HTT: variants seen among roughly 807,000 people sequenced by gnomAD.
The protein encoded by HTT is huntingtin.
A neutral mutation model predicts 362.3 loss-of-function variants in HTT; 104 were observed. That is an observed-to-expected ratio of 0.29 (90% confidence interval 0.24 to 0.34). HTT has a LOEUF of 0.34. HTT is among the 10% of genes least tolerant of loss of function. The pLI is 1.00. For synonymous variants in HTT, 1,577 were observed against 1,548.7 expected (o/e 1.02, Z -0.43); for missense variants, 3,301 against 3,928.6 (o/e 0.84, Z 4.27).
intron 2 of HTT, among the ~76,000 whole-genome samples, chr4:3,097,717 G>A (rs761826639): frequency 5.9e-5 from 9 of 152,140 alleles, no homozygotes; most frequent in Non-Finnish European, 5.9e-5. Flanking sequence ...TAGATGAAAT[G>A]GATGAGTTCC....
chr4:3,212,561 C>T lies in HTT; in HGVS notation c.6629-3C>T, dbSNP rs1320140690. ...ACCCACCCACGAGGTCCTTCTGTTT[C>T]AGGGGATGCTGCACTGTATCAGTCC... is the stretch of plus-strand genomic sequence containing the variant. On this transcript the variant is annotated splice_polypyrimidine_tract_variant and splice_region_variant and intron_variant, in intron 48 of 66. Transcript: ENST00000355072. The T allele has an allele frequency of 6.2e-7, 1 of 1,613,366 alleles. No individual in the cohort carries two copies. The highest frequency in any genetic ancestry group is 8.5e-7 in the Non-Finnish European group (1 of 1,179,482).
rs1720217595 is a variant in HTT, at chr4:3,212,641, C to A, written c.6706C>A (p.Pro2236Thr). The change falls in exon 49 of 67, where the codon CCC becomes ACC. Residue 2236 changes from proline (P) to threonine (T), a missense_variant. Coordinates refer to ENST00000355072, the MANE Select transcript of HTT (RefSeq NM_001388492.1). ...AQYLVVVSKLPSHLHLPPEKE... is the reference protein window; with the variant it reads ...AQYLVVVSKLTSHLHLPPEKE... ...GTACCTGGTGGTGGTCTCCAAACTGCCCAGTCATTTGCACCTTCCTCCTGA... is the reference window on the plus strand; with the variant it reads ...GTACCTGGTGGTGGTCTCCAAACTGACCAGTCATTTGCACCTTCCTCCTGA... 6.2e-7 allele frequency: 1 copy of A among 1,614,090 alleles called. No homozygotes were observed. The highest frequency in any genetic ancestry group is 8.5e-7 in the Non-Finnish European group (1 of 1,180,040).
intron 2 of HTT, among the ~76,000 whole-genome samples, chr4:3,092,658 A>AG: frequency 6.6e-6 from 1 of 152,350 alleles, no homozygotes; most frequent in East Asian, 1.9e-4. Context: ...CTGAGATTAC[A>AG]GGCATGAGCC....
intron 31 of HTT, 27 bp downstream of exon 31, chr4:3,173,158 G>A (rs912289431): frequency 8.3e-6 from 13 of 1,566,918 alleles, no homozygotes; most frequent in African/African-American, 2.7e-5. Context: ...GAATGCTGTC[G>A]TTGGTGGAAG....
rs2857790 is a variant in HTT at position 3,217,886 on chromosome 4, A to C, written c.7176A>C (p.Leu2392=). The C allele has an allele frequency of 1, 1,610,141 of 1,614,178 alleles. 803,126 individuals carry two copies. Among genetic ancestry groups the C allele is most frequent in the East Asian group, 1 (44,889 of 44,890 alleles). The change falls in exon 52 of 67, where the codon CTA becomes CTC. Residue 2392 remains leucine (L), a synonymous_variant. Coordinates refer to ENST00000355072, the MANE Select transcript of HTT (RefSeq NM_001388492.1). ...TGCCGGCGTTTCTCACGCCATTGCT[A>C]AGGAACATCATCATCAGCCTGGCCC... is the stretch of plus-strand genomic sequence containing the variant. ...SGVPAFLTPL[L]RNIIISLARL...
chr4:3,075,073 A>C lies in HTT; in HGVS notation c.248A>C (p.Glu83Ala). Residue 83 changes from glutamate (E) to alanine (A), a missense_variant, in exon 1 of 67, where the codon GAG becomes GCG. Glu to Ala is a moderately radical substitution (Grantham distance 107, BLOSUM62 -1). Coordinates refer to ENST00000355072, the MANE Select transcript of HTT (RefSeq NM_001388492.1). ...PPPPGPAVAEEPLHRPKKELS... is the reference protein window; with the variant it reads ...PPPPGPAVAEAPLHRPKKELS... ...CCACCCGGCCCGGCTGTGGCTGAGGAGCCGCTGCACCGACCGTGAGTTTGG... is the reference window on the plus strand; with the variant it reads ...CCACCCGGCCCGGCTGTGGCTGAGGCGCCGCTGCACCGACCGTGAGTTTGG... 8.0e-7 allele frequency: 1 copy of C among 1,246,952 alleles called. No individual in the cohort carries two copies. The highest frequency in any genetic ancestry group is 4.3e-5 in the Admixed American group (1 of 23,354). 77.2% of individuals were successfully genotyped at this position (1,246,952 alleles called of 1,614,324 possible).
intron 21 of HTT, 32 bp downstream of exon 21, chr4:3,136,358 T>A: frequency 7.9e-7 from 1 of 1,267,454 alleles, no homozygotes; most frequent in Non-Finnish European, 1.1e-6. Flanking sequence ...CTTTTCCTTT[T>A]TTGGTTGAAG....
chr4:3,180,935 G>A (rs563647961), intron 36 of HTT: 146 of 267,092 alleles, frequency 5.5e-4, no homozygotes, highest in Middle Eastern at 3.3e-3. Context: ...GGAGTGTGGT[G>A]GCACGATCTT....
chr4:3,109,439 G>A (rs1443224198), intron 6 of HTT, among the ~76,000 whole-genome samples: 1 of 152,060 alleles, frequency 6.6e-6, no homozygotes, highest in Non-Finnish European at 1.5e-5. Flanking sequence ...TGGTCAGGCT[G>A]GTCTCGAACT....
chr4:3,154,861 A>G (rs1039496861), intron 27 of HTT, among the ~76,000 whole-genome samples: 7 of 152,384 alleles, frequency 4.6e-5, no homozygotes, highest in African/African-American at 1.7e-4. Flanking sequence ...AAGGCGAGAG[A>G]AAGTGGGGAT....
At chr4:3,204,706 G>A (rs1044935372) in intron 42 of HTT, among the ~76,000 whole-genome samples, 3 of 152,164 alleles carry the variant, frequency 2.0e-5, no homozygotes, top group African/African-American at 7.2e-5. Flanking sequence ...GGTGGCTCGT[G>A]CCTGTAATCA....
rs767738365 is a variant in HTT at position 3,140,642 on chromosome 4, C to A, written c.2931C>A (p.Val977=). Residue 977 remains valine (V), a synonymous_variant, in exon 22 of 67, where the codon GTC becomes GTA. Coordinates refer to ENST00000355072, the MANE Select transcript of HTT (RefSeq NM_001388492.1). ...HETQPPSHFS[V]STITRIYRGY... is the part of the protein sequence containing the mutation. ...CGCAGCCTCCATCTCATTTCTCCGT[C>A]AGCACAATAACCAGGTATGCTGACC... The A allele has an allele frequency of 1.6e-4, 254 of 1,613,964 alleles. 1 individual carries two copies. Among genetic ancestry groups the A allele is most frequent in the Admixed American group, 9.5e-4 (57 of 59,998 alleles).
At chr4:3,110,613 T>G (rs1049873180) in intron 6 of HTT, among the ~76,000 whole-genome samples, 1 of 152,232 alleles carries the variant, frequency 6.6e-6, no homozygotes, top group African/African-American at 2.4e-5. Flanking sequence ...AAATGCCATT[T>G]TTTTTCCTGT....
intron 1 of HTT, among the ~76,000 whole-genome samples, chr4:3,077,751 C>G (rs943073396): frequency 1.3e-5 from 2 of 152,114 alleles, no homozygotes; most frequent in Non-Finnish European, 2.9e-5. Context: ...TTAGCATGCT[C>G]TGAAATCAAC....
chr4:3,144,038 G>A (rs574324838), intron 23 of HTT, among the ~76,000 whole-genome samples: 1 of 152,302 alleles, frequency 6.6e-6, no homozygotes, highest in African/African-American at 2.4e-5. Flanking sequence ...ACAATATGGA[G>A]ATGTATAATC....
chr4:3,091,702 T>G (rs1026298325), intron 2 of HTT, among the ~76,000 whole-genome samples: 1 of 152,202 alleles, frequency 6.6e-6, no homozygotes, highest in African/African-American at 2.4e-5. Flanking sequence ...TATTTTGTTA[T>G]AGAAACTCAA....
In HTT at chr4:3,119,583, G is replaced by A. The variant is rs536827324; in HGVS notation, c.1069-1645G>A. ...TGAATAACATTTATGAACACGTGAT[G>A]TGTAAGATACATACTGTTTATTTTT... On this transcript the variant is annotated intron_variant, in intron 8 of 66. Coordinates refer to ENST00000355072, the MANE Select transcript of HTT (RefSeq NM_001388492.1). 2.0e-5 allele frequency among the ~76,000 whole-genome samples: 3 copies of A among 152,318 alleles called. No individual in the cohort carries two copies. In the East Asian group the frequency reaches 5.8e-4, roughly 29 times the overall value.
chr4:3,243,848 G>A lies in HTT; in HGVS notation c.*3789G>A, dbSNP rs1228841518. 2 of 152,260 alleles carry A rather than the reference G, an allele frequency of 1.3e-5. No homozygotes were observed. The highest frequency in any genetic ancestry group is 2.9e-5 in the Non-Finnish European group (2 of 68,052). The allele number at this position is 152,260 out of a possible 1,614,324, so 9.4% of individuals were successfully genotyped here. Reference sequence around the variant, plus strand: ...TGGGCGAGTCCCGGAGCCCCACCCAGACCTGAATGCTTCTGAGAGCAAAGG... The same window carrying A: ...TGGGCGAGTCCCGGAGCCCCACCCAAACCTGAATGCTTCTGAGAGCAAAGG... On this transcript the variant is annotated 3_prime_UTR_variant, in exon 67 of 67. Coordinates refer to ENST00000355072, the MANE Select transcript of HTT (RefSeq NM_001388492.1).
chr4:3,154,187 C>G, intron 26 of HTT, 106 bp from the exon 27 acceptor site: 1 of 895,012 alleles, frequency 1.1e-6, no homozygotes, highest in Non-Finnish European at 1.7e-6. Flanking sequence ...CATGGGTTAG[C>G]TCTTTTTAAT....
Sources: allele counts gnomAD v4.1 joint callset (sites outside exome capture counted in the v4.1 genomes callset), GRCh38; gene constraint gnomAD v4.1.1; transcripts MANE v1.5; gene names NCBI Gene and HGNC (gene_info 2026-07-23, HGNC 2026-07-21).